CSNK1G3: variants seen among roughly 807,000 people sequenced by gnomAD.
The protein encoded by CSNK1G3 is casein kinase 1 gamma 3.
A neutral mutation model predicts 64.3 loss-of-function variants in CSNK1G3; 23 were observed. That is an observed-to-expected ratio of 0.36 (90% CI 0.26 to 0.51). The LOEUF is 0.51. Among genes scored for constraint, CSNK1G3 ranks in the 20% least tolerant of loss-of-function variants. The pLI is 0.96. For missense variants in CSNK1G3, 357 were observed against 510.5 expected, an observed-to-expected ratio of 0.70 and a Z score of 2.90; for synonymous variants, 158 against 162.2, an observed-to-expected ratio of 0.97 and a Z score of 0.20.
intron 12 of CSNK1G3, among the ~76,000 whole-genome samples, chr5:123,609,730 TTTC>T (rs1271832831): frequency 1.3e-5 from 2 of 152,176 alleles, no homozygotes; most frequent in African/African-American, 4.8e-5. Context: ...ATTTTTGCTT[TTTC>T]TTACTTTTCC....
intron 1 of CSNK1G3, among the ~76,000 whole-genome samples, chr5:123,525,122 ATGTCAGACAGGT>A (rs1344295661): frequency 2.6e-5 from 4 of 152,012 alleles, no homozygotes; most frequent in Admixed American, 1.3e-4. Flanking sequence ...AAACTATGTG[ATGTCAGACAGGT>A]TGTCTTGTTT....
At chr5:123,603,175 T>A (rs57143793) in intron 10 of CSNK1G3, among the ~76,000 whole-genome samples, 9,149 of 152,122 alleles carry the variant, frequency 0.06, 386 homozygotes, top group South Asian at 0.11. Flanking sequence ...ATAACTCTTA[T>A]TAGAGTTCTT....
Position 123,553,105 on chromosome 5 carries a change from A to AG in CSNK1G3, c.180dup. The AG allele has an allele frequency of 7.2e-7, 1 of 1,385,862 alleles. No homozygotes were observed. The highest frequency in any genetic ancestry group is 9.7e-7 in the Non-Finnish European group (1 of 1,029,326). The allele number at this position is 1,385,862 out of a possible 1,614,324, so 85.8% of individuals were successfully genotyped here. A position where few individuals can be genotyped will look rare whatever the true frequency, so the allele number is the denominator to read the frequency against. On this transcript the variant is annotated splice_acceptor_variant, in intron 2 of 12. Transcript: ENST00000345990. LOFTEE classifies it high-confidence loss of function. ...GAATCTGATTTTTTTTTCTTTTTCA[A>AG]GGGAAAAATTTATACACAAATGAAT...
chr5:123,604,088 G>A (rs906185474), intron 10 of CSNK1G3, among the ~76,000 whole-genome samples: 1 of 152,142 alleles, frequency 6.6e-6, no homozygotes. Flanking sequence ...GGCTTGGACT[G>A]GAGTCCTTGT....
chr5:123,527,585 T>G (rs1779295683), intron 1 of CSNK1G3, among the ~76,000 whole-genome samples: 1 of 152,218 alleles, frequency 6.6e-6, no homozygotes, highest in Non-Finnish European at 1.5e-5. Context: ...ATCATTACTC[T>G]CAAATAAGCC....
intron 10 of CSNK1G3, among the ~76,000 whole-genome samples, chr5:123,598,293 C>G (rs1171137529): frequency 6.6e-6 from 1 of 152,086 alleles, no homozygotes; most frequent in African/African-American, 2.4e-5. Context: ...CATTACTCAG[C>G]AAATTGCTAA....
intron 2 of CSNK1G3, among the ~76,000 whole-genome samples, chr5:123,547,704 G>C (rs1026736164): frequency 9.2e-5 from 14 of 151,978 alleles, no homozygotes; most frequent in African/African-American, 3.1e-4. Flanking sequence ...ATATATATCT[G>C]TGTATGTTTA....
intron 4 of CSNK1G3, among the ~76,000 whole-genome samples, chr5:123,564,265 G>A (rs950638163): frequency 6.6e-6 from 1 of 151,890 alleles, no homozygotes; most frequent in African/African-American, 2.4e-5. Flanking sequence ...TGGTTTATAT[G>A]GTGCAGGCAT....
intron 3 of CSNK1G3, among the ~76,000 whole-genome samples, chr5:123,554,178 AG>A (rs1297158850): frequency 6.6e-6 from 1 of 152,202 alleles, no homozygotes; most frequent in East Asian, 1.9e-4. Context: ...CTTGAAATAA[AG>A]ATGTGGAGTA....
At chr5:123,527,137 GATATTTTCATTGCTATAGCTCTGTC>G (rs2150050652) in intron 1 of CSNK1G3, among the ~76,000 whole-genome samples, 2 of 152,186 alleles carry the variant, frequency 1.3e-5, no homozygotes, top group South Asian at 4.2e-4. Context: ...TCCTGAATGT[GATATTTTCATTGCTATAGCTCTGTC>G]ATTTAGAAAT....
exon 13 of CSNK1G3, chr5:123,614,578 A>C: frequency 2.0e-6 from 1 of 491,574 alleles, no homozygotes; most frequent in South Asian, 3.7e-5. Flanking sequence ...TTTTTTCTCT[A>C]ATTTAACCTT....
At chr5:123,542,802 A>G (rs1205062737) in intron 1 of CSNK1G3, among the ~76,000 whole-genome samples, 1 of 144,862 alleles carries the variant, frequency 6.9e-6, no homozygotes, top group African/African-American at 2.6e-5. Flanking sequence ...TGCTTTCAAG[A>G]TTTTTCAAAT....
intron 10 of CSNK1G3, among the ~76,000 whole-genome samples, chr5:123,602,773 GGAGTCCTTTACCTA>G (rs1450423725): frequency 6.6e-6 from 1 of 152,078 alleles, no homozygotes; most frequent in African/African-American, 2.4e-5. Context: ...TTAGGCCCAG[GGAGTCCTTTACCTA>G]GAGGTGAGAG....
intron 1 of CSNK1G3, among the ~76,000 whole-genome samples, chr5:123,530,467 A>G (rs1580925594): frequency 6.6e-6 from 1 of 152,184 alleles, no homozygotes; most frequent in Non-Finnish European, 1.5e-5. Flanking sequence ...TACTGACCCA[A>G]TGATACATGT....
chr5:123,554,596 G>A (rs1486789234), intron 3 of CSNK1G3, among the ~76,000 whole-genome samples: 1 of 152,194 alleles, frequency 6.6e-6, no homozygotes, highest in African/African-American at 2.4e-5. Context: ...CAAAGTGCTG[G>A]GATTACAGGC....
intron 1 of CSNK1G3, among the ~76,000 whole-genome samples, chr5:123,519,631 G>A (rs1325407016): frequency 1.3e-5 from 2 of 152,136 alleles, no homozygotes; most frequent in Non-Finnish European, 2.9e-5. Flanking sequence ...TGAGGAAATG[G>A]GAGTTTCTTG....
At chr5:123,551,789 T>TA (rs146623033) in intron 2 of CSNK1G3, among the ~76,000 whole-genome samples, 2,752 of 152,056 alleles carry the variant, frequency 0.018, 81 homozygotes, top group African/African-American at 0.062. Flanking sequence ...CTCTCACTAT[T>TA]AAAAAAAACC....
In CSNK1G3 at chr5:123,583,071, C is replaced by T. The variant is rs75020959; in HGVS notation, c.674-4997C>T. Among the ~76,000 whole-genome samples the T allele has an allele frequency of 1.3e-3, 193 of 152,244 alleles. 1 individual carries two copies. The Middle Eastern group carries it at 0.017, about 13-fold the overall frequency. The stretch of plus-strand genomic sequence containing the variant: ...CATGTAGGCGAGATCACCTTATGAC[C>T]GTGGCTTATTGGCACTATGTGACTA... On this transcript the variant is annotated intron_variant, in intron 6 of 12. Coordinates refer to ENST00000345990, the Ensembl canonical transcript of CSNK1G3.
intron 2 of CSNK1G3, among the ~76,000 whole-genome samples, chr5:123,551,505 G>A (rs982269562): frequency 5.9e-5 from 9 of 152,030 alleles, no homozygotes; most frequent in African/African-American, 2.2e-4. Flanking sequence ...GTTACTTAGC[G>A]TTAATATGAA....
Sources: allele counts gnomAD v4.1 joint callset (sites outside exome capture counted in the v4.1 genomes callset), GRCh38; gene constraint gnomAD v4.1.1; transcripts MANE v1.5; gene names NCBI Gene and HGNC (gene_info 2026-07-23, HGNC 2026-07-21).